Variants in IRAG2 observed in about 807,000 individuals in gnomAD.
IRAG2 encodes lymphoid restricted membrane protein.
IRAG2 carries 45 observed loss-of-function variants against 69.9 expected under a neutral mutation model. That is an observed-to-expected ratio of 0.64 (90% CI 0.51 to 0.83). The LOEUF is 0.83. Among genes scored for constraint, IRAG2 ranks in the 40% least tolerant of loss-of-function variants. IRAG2 has a pLI of 0.00. For missense variants in IRAG2, 520 were observed against 587.0 expected, an observed-to-expected ratio of 0.89 and a Z score of 1.18; for synonymous variants, 193 against 202.4, an observed-to-expected ratio of 0.95 and a Z score of 0.40.
intron 16 of IRAG2, among the ~76,000 whole-genome samples, chr12:25,039,715 C>T (rs930111317): frequency 7.9e-5 from 12 of 152,222 alleles, no homozygotes; most frequent in Admixed American, 2.6e-4. Flanking sequence ...CAGGCGTGAG[C>T]CACCACACCC....
At chr12:25,080,271 C>A (rs1427460272) in intron 9 of IRAG2, among the ~76,000 whole-genome samples, 2 of 151,936 alleles carry the variant, frequency 1.3e-5, no homozygotes, top group African/African-American at 2.4e-5. Flanking sequence ...TGAGACACCA[C>A]TTTAGTTGAC....
chr12:25,005,221 C>T (rs780355138), intron 1 of IRAG2: 296 of 1,137,914 alleles, frequency 2.6e-4, no homozygotes, highest in Middle Eastern at 3.3e-4. Flanking sequence ...TCAGGATTTA[C>T]AAACTTTTTC....
chr12:25,104,378 A>C lies in IRAG2; in HGVS notation c.1064A>C (p.Lys355Thr). The stretch of plus-strand genomic sequence containing the variant: ...TTATTTAGGCGTATTTTGGGGTCAA[A>C]GCAGAGTGAACACCGTCCCTCATTA... ...RSSSWRILGS[K>T]QSEHRPSLPR... The change falls in exon 20 of 22, where the codon AAG becomes ACG. Residue 355 changes from lysine (K) to threonine (T), a missense_variant. By Grantham distance (78) the Lys-to-Thr change is moderately conservative. Transcript: ENST00000556887. 6.2e-7 allele frequency: 1 copy of C among 1,611,396 alleles called. No homozygotes were observed. Among genetic ancestry groups the C allele is most frequent in the Non-Finnish European group, 8.5e-7 (1 of 1,177,548 alleles).
intron 1 of IRAG2, among the ~76,000 whole-genome samples, chr12:25,056,790 C>T (rs1268718915): frequency 6.6e-6 from 1 of 152,150 alleles, no homozygotes; most frequent in Non-Finnish European, 1.5e-5. Flanking sequence ...TCTCACCTTC[C>T]TCAGGAAAGG....
At chr12:25,018,566 C>T (rs554708605) in intron 6 of IRAG2, among the ~76,000 whole-genome samples, 11 of 152,228 alleles carry the variant, frequency 7.2e-5, no homozygotes, top group African/African-American at 2.6e-4. Context: ...AGTCCAGTCT[C>T]CAAACTAATC....
intron 1 of IRAG2, among the ~76,000 whole-genome samples, chr12:25,054,727 C>G (rs541763537): frequency 6.6e-6 from 1 of 152,282 alleles, no homozygotes; most frequent in Non-Finnish European, 1.5e-5. Flanking sequence ...TTACTTGTAT[C>G]TTTTGCTGCC....
rs1432764538 is a variant in IRAG2 at position 25,053,347 on chromosome 12, G to C, written c.-447+391G>C. ...TAGCTAGTTTTTTTCCTCTCATATG[G>C]TAGAAAAGGCCTTGCTCGTCTATTT... On this transcript the variant is annotated intron_variant, in intron 1 of 21. Coordinates refer to ENST00000556887, the MANE Select transcript of IRAG2 (RefSeq NM_001366544.2). Among the ~76,000 whole-genome samples the C allele has an allele frequency of 2.6e-5, 4 of 151,486 alleles. No homozygotes were observed. The South Asian group carries it at 8.4e-4, about 32-fold the overall frequency.
chr12:25,032,344 C>T lies in IRAG2; in HGVS notation c.1618C>T (p.Gln540Ter). ...AAAAAGTAAACTGGCTCATGAGTTA[C>T]AGCACTTGCAACAGGCACTCATCAC... Residue 540 changes from glutamine (Q) to a stop codon, truncating the protein, a stop_gained, in exon 12 of 39, where the codon CAG becomes TAG. Coordinates refer to the IRAG2 transcript ENST00000636465. LOFTEE classifies it high-confidence loss of function. 2.5e-6 allele frequency: 1 copy of T among 399,068 alleles called. No individual in the cohort carries two copies. The highest frequency in any genetic ancestry group is 4.4e-6 in the Non-Finnish European group (1 of 226,070). The allele number at this position is 399,068 out of a possible 1,614,324, so 24.7% of individuals were successfully genotyped here.
chr12:25,091,467 T>C (rs1055848221), intron 14 of IRAG2, among the ~76,000 whole-genome samples: 1 of 152,206 alleles, frequency 6.6e-6, no homozygotes, highest in Non-Finnish European at 1.5e-5. Flanking sequence ...CTCTTGTAGC[T>C]ATCAATTTTT....
chr12:25,101,736 T>C lies in IRAG2; in HGVS notation c.889+411T>C, dbSNP rs575277621. Among the ~76,000 whole-genome samples, 19 of 152,344 alleles carry C rather than the reference T, an allele frequency of 1.2e-4. 1 individual carries two copies. The highest frequency in any genetic ancestry group is 4.3e-4 in the African/African-American group (18 of 41,582). ...GAATGACCCTGGCACAGTAAGCTGA[T>C]TGATGAACTGGAAAATAGAGAAACA... On this transcript the variant is annotated intron_variant, in intron 16 of 21. Transcript: ENST00000556887.
chr12:25,055,506 G>A (rs1007152513), intron 1 of IRAG2, among the ~76,000 whole-genome samples: 3 of 152,050 alleles, frequency 2.0e-5, no homozygotes, highest in Non-Finnish European at 2.9e-5. Context: ...TGTGTACAAC[G>A]TGCAGGTTTG....
At chr12:25,067,567 T>A (rs949846326) in intron 5 of IRAG2, among the ~76,000 whole-genome samples, 2 of 152,166 alleles carry the variant, frequency 1.3e-5, no homozygotes, top group Non-Finnish European at 2.9e-5. Context: ...ATCCCCTTCT[T>A]GGGTTCAAAT....
chr12:25,061,503 C>A (rs927116582), intron 1 of IRAG2, 89 bp from the exon 2 acceptor site: 1 of 396,846 alleles, frequency 2.5e-6, no homozygotes, highest in Non-Finnish European at 4.4e-6. Flanking sequence ...CCAATCTGGG[C>A]AATAGAACCA....
At chr12:25,031,958 A>G (rs554278630) in intron 10 of IRAG2, among the ~76,000 whole-genome samples, 1 of 152,322 alleles carries the variant, frequency 6.6e-6, no homozygotes, top group Non-Finnish European at 1.5e-5. Flanking sequence ...CACCACGCCC[A>G]GCCGTCCTTG....
chr12:25,001,648 G>A (rs900660251), upstream of IRAG2, among the ~76,000 whole-genome samples: 4 of 152,094 alleles, frequency 2.6e-5, no homozygotes, highest in African/African-American at 9.7e-5. Context: ...GGGAGCATGA[G>A]TTTCCAGTTC....
upstream of IRAG2, among the ~76,000 whole-genome samples, chr12:25,000,762 G>A (rs1419761534): frequency 1.3e-5 from 2 of 152,176 alleles, no homozygotes; most frequent in Non-Finnish European, 2.9e-5. Context: ...AACTAAGATC[G>A]CTAAGAGGGA....
chr12:25,086,269 T>C (rs1298858011), intron 10 of IRAG2, among the ~76,000 whole-genome samples: 2 of 122,410 alleles, frequency 1.6e-5, no homozygotes, highest in Non-Finnish European at 3.5e-5. Flanking sequence ...CAGAGGATGA[T>C]GACATGTCAC....
chr12:25,013,591 T>C (rs1208047144), intron 3 of IRAG2, among the ~76,000 whole-genome samples: 1 of 152,154 alleles, frequency 6.6e-6, no homozygotes, highest in African/African-American at 2.4e-5. Context: ...AGGTAGTTTA[T>C]GACAGTGATA....
At chr12:25,104,082 C>G in intron 19 of IRAG2, 24 bp downstream of exon 19, 2 of 1,600,354 alleles carry the variant, frequency 1.2e-6, no homozygotes, top group Non-Finnish European at 1.7e-6. Flanking sequence ...TATGGTTCCT[C>G]TTTGGGAACC....
Sources: allele counts gnomAD v4.1 joint callset (sites outside exome capture counted in the v4.1 genomes callset), GRCh38; gene constraint gnomAD v4.1.1; transcripts MANE v1.5; gene names NCBI Gene and HGNC (gene_info 2026-07-23, HGNC 2026-07-21).